The following KIF2A variants were observed in gnomAD, a reference collection of about 807,000 sequenced individuals.
The protein encoded by KIF2A is kinesin-like protein KIF2A.
In KIF2A, 22 loss-of-function variants were observed where a neutral mutation model predicts 100.2. That is an observed-to-expected ratio of 0.22 (90% CI 0.16 to 0.31). The LOEUF is 0.31. Among genes scored for constraint, KIF2A ranks in the 10% least tolerant of loss-of-function variants. The probability of loss-of-function intolerance (pLI) is 1.00; values close to 1 mark genes in which losing one functional copy is unlikely to be tolerated. For missense variants in KIF2A, 495 were observed against 898.7 expected (o/e 0.55, Z 5.74); for synonymous variants, 268 against 285.9 (o/e 0.94, Z 0.63).
intron 1 of KIF2A, among the ~76,000 whole-genome samples, chr5:62,333,022 C>T (rs1019449936): frequency 3.3e-5 from 5 of 152,158 alleles, no homozygotes; most frequent in Non-Finnish European, 5.9e-5. Flanking sequence ...TCATCCTATA[C>T]CTACATTTTG....
Position 62,388,695 on chromosome 5 carries a change from A to C in KIF2A, c.*3126A>C. The C allele has an allele frequency of 1.3e-5, 4 of 319,128 alleles. No homozygotes were observed. The highest frequency in any genetic ancestry group is 2.3e-5 in the Non-Finnish European group (4 of 172,336). The allele number at this position is 319,128 out of a possible 1,614,324, so 19.8% of individuals were successfully genotyped here. A position where few individuals can be genotyped will look rare whatever the true frequency, so the allele number is the denominator to read the frequency against. On this transcript the variant is annotated 3_prime_UTR_variant, in exon 21 of 21. Coordinates refer to ENST00000407818, the MANE Select transcript of KIF2A (RefSeq NM_001098511.3). ...TAAAGAAGGCCTTACAGTATATAAC[A>C]GTAAATAGAAGAGTAACATCTTTAT... is the stretch of plus-strand genomic sequence containing the variant.
At chr5:62,343,305 C>T (rs1747394671) in intron 1 of KIF2A, among the ~76,000 whole-genome samples, 1 of 152,200 alleles carries the variant, frequency 6.6e-6, no homozygotes, top group African/African-American at 2.4e-5. Context: ...GCACCTGCAT[C>T]TCCTCTAATG....
intron 1 of KIF2A, among the ~76,000 whole-genome samples, chr5:62,342,226 G>A (rs911741471): frequency 2.6e-5 from 4 of 152,210 alleles, no homozygotes; most frequent in African/African-American, 9.7e-5. Flanking sequence ...CACTACTCAT[G>A]TTGTAGAGAT....
intron 1 of KIF2A, chr5:62,306,971 G>C (rs563473386): frequency 1.3e-5 from 2 of 158,124 alleles, no homozygotes; most frequent in Non-Finnish European, 2.8e-5. Context: ...GGATGGGGGT[G>C]GGGGAGCGGG....
At chr5:62,325,546 C>G (rs189305401) in intron 1 of KIF2A, among the ~76,000 whole-genome samples, 25 of 152,194 alleles carry the variant, frequency 1.6e-4, no homozygotes, top group African/African-American at 4.8e-5. Flanking sequence ...AAAAAATGCT[C>G]AACATCACTA....
intron 14 of KIF2A, among the ~76,000 whole-genome samples, chr5:62,364,856 A>C (rs1195720552): frequency 1.3e-5 from 2 of 152,154 alleles, no homozygotes; most frequent in Admixed American, 1.3e-4. Flanking sequence ...GCACTTTGGG[A>C]GGCCGAGGCG....
chr5:62,378,129 G>A (rs1741622746), intron 19 of KIF2A, among the ~76,000 whole-genome samples: 1 of 152,208 alleles, frequency 6.6e-6, no homozygotes, highest in Admixed American at 6.5e-5. Context: ...AGCAGTTGAG[G>A]AAGTATCAGT....
rs1747668976 is a variant in KIF2A at position 62,348,115 on chromosome 5, C to T, written c.227C>T (p.Pro76Leu). 6.2e-7 allele frequency: 1 copy of T among 1,613,624 alleles called. No homozygotes were observed. Among genetic ancestry groups the T allele is most frequent in the South Asian group, 1.1e-5 (1 of 91,088 alleles). Residue 76 changes from proline to leucine, a missense_variant, in exon 3 of 21, where the codon CCA (proline) becomes CTA (leucine). Physicochemically the swap from Pro to Leu is moderately conservative, Grantham distance 98 (BLOSUM62 -3). Coordinates refer to ENST00000407818, the MANE Select transcript of KIF2A (RefSeq NM_001098511.3). ...CCTGATGAAGAAATTGAACCCAGTC[C>T]AGAAACACCTCCACCTCCAGCATCC... ...LVPDEEIEPS[P>L]ETPPPPASSA...
At chr5:62,324,844 GA>G (rs59057535) in intron 1 of KIF2A, among the ~76,000 whole-genome samples, 3 of 151,292 alleles carry the variant, frequency 2.0e-5, no homozygotes, top group Admixed American at 1.3e-4. Flanking sequence ...ACAACAAAAA[GA>G]AAAAAAATGA....
chr5:62,368,250 G>C (rs867664021), intron 16 of KIF2A, among the ~76,000 whole-genome samples: 1 of 151,146 alleles, frequency 6.6e-6, no homozygotes, highest in East Asian at 1.9e-4. Flanking sequence ...AACTTCTGTG[G>C]AATACTTTTC....
In KIF2A at chr5:62,365,235, A is replaced by AT. The variant is rs557290102; in HGVS notation, c.1468-4dup. ...CTAATCTGTGAGACTTGTTTTCTTAATTTTCAGGAGTGCATCAGAGCCTTA... is the reference window on the plus strand; with the variant it reads ...CTAATCTGTGAGACTTGTTTTCTTAATTTTTCAGGAGTGCATCAGAGCCTTA... On this transcript the variant is annotated splice_region_variant and splice_polypyrimidine_tract_variant and intron_variant, in intron 14 of 20. Coordinates refer to ENST00000407818, the MANE Select transcript of KIF2A (RefSeq NM_001098511.3). The AT allele has an allele frequency of 1.6e-4, 227 of 1,458,264 alleles. No individual in the cohort carries two copies. The African/African-American group carries it at 2.7e-3, about 17-fold the overall frequency. The allele number at this position is 1,458,264 out of a possible 1,614,324, so 90.3% of individuals were successfully genotyped here.
At chr5:62,358,376 G>T in intron 9 of KIF2A, 77 bp downstream of exon 9, 1 of 938,980 alleles carries the variant, frequency 1.1e-6, no homozygotes, top group Non-Finnish European at 1.6e-6. Context: ...TACATTGATT[G>T]TGGGATATTT....
In KIF2A at chr5:62,363,201, A is replaced by G. The variant is rs368481871; in HGVS notation, c.1143A>G (p.Lys381=). 1.2e-6 allele frequency: 2 copies of G among 1,610,192 alleles called. No individual in the cohort carries two copies. Among genetic ancestry groups the G allele is most frequent in the Non-Finnish European group, 1.7e-6 (2 of 1,178,258 alleles). The change falls in exon 13 of 21, where the codon AAA becomes AAG. Residue 381 remains lysine (K), a synonymous_variant. Transcript: ENST00000407818. ...SGKVFDLLNR[K]TKLRVLEDGK... ...AGGTGTTTGACTTGCTAAACAGGAAAACAAAATTAAGAGTTCTAGAAGATG... is the reference window on the plus strand; with the variant it reads ...AGGTGTTTGACTTGCTAAACAGGAAGACAAAATTAAGAGTTCTAGAAGATG...
At chr5:62,341,387 ACCT>A (rs1747281605) in intron 1 of KIF2A, among the ~76,000 whole-genome samples, 1 of 151,372 alleles carries the variant, frequency 6.6e-6, no homozygotes, top group South Asian at 2.1e-4. Flanking sequence ...TGCAGCCTTG[ACCT>A]CCTAGGCTCA....
chr5:62,320,000 GA>G (rs1368203772), intron 1 of KIF2A, among the ~76,000 whole-genome samples: 1 of 152,030 alleles, frequency 6.6e-6, no homozygotes, highest in Non-Finnish European at 1.5e-5. Flanking sequence ...TATATTTGTA[GA>G]GCATTACCTC....
chr5:62,328,171 G>A (rs975474835), intron 1 of KIF2A, among the ~76,000 whole-genome samples: 2 of 152,026 alleles, frequency 1.3e-5, no homozygotes, highest in African/African-American at 4.8e-5. Flanking sequence ...TCTTTAACAC[G>A]TAAGTAAAGA....
At chr5:62,380,136 C>G (rs886201173) in intron 19 of KIF2A, among the ~76,000 whole-genome samples, 1 of 152,182 alleles carries the variant, frequency 6.6e-6, no homozygotes, top group Non-Finnish European at 1.5e-5. Context: ...CAAAGTGATC[C>G]ACTTGCCTCA....
At chr5:62,378,644 G>T (rs747176506) in intron 19 of KIF2A, among the ~76,000 whole-genome samples, 1 of 152,186 alleles carries the variant, frequency 6.6e-6, no homozygotes. Context: ...TTGGCCAGGC[G>T]CAGTGGCTCA....
At chr5:62,379,068 G>A (rs1230194030) in intron 19 of KIF2A, among the ~76,000 whole-genome samples, 2 of 151,828 alleles carry the variant, frequency 1.3e-5, no homozygotes, top group Non-Finnish European at 2.9e-5. Context: ...TTGAGCCCTG[G>A]AGTTAGAGAC....
Sources: gnomAD v4.1 joint callset for allele counts (sites outside exome capture counted in the v4.1 genomes callset) on GRCh38, gnomAD v4.1.1 for gene constraint, MANE v1.5 for transcripts, NCBI Gene and HGNC (gene_info 2026-07-23, HGNC 2026-07-21) for gene names.